Variants in KDM3A observed in about 807,000 individuals in gnomAD.
The protein encoded by KDM3A is lysine-specific demethylase 3A.
KDM3A carries 60 observed loss-of-function variants against 158.0 expected under a neutral mutation model. That is an observed-to-expected ratio of 0.38 (90% CI 0.31 to 0.47). The LOEUF (loss-of-function observed/expected upper bound fraction) is 0.47, where lower values mean the gene tolerates loss of function less well. Among genes scored for constraint, KDM3A ranks in the 20% least tolerant of loss-of-function variants. The pLI is 0.99. For missense variants in KDM3A, 1,319 were observed against 1,574.3 expected (o/e 0.84, Z 2.74); for synonymous variants, 608 against 549.3 (o/e 1.11, Z -1.49).
chr2:86,491,345 TAA>T, intron 25 of KDM3A, 70 bp downstream of exon 25: 2 of 1,508,504 alleles, frequency 1.3e-6, no homozygotes, highest in African/African-American at 1.4e-5. Context: ...CTTCACCTTA[TAA>T]AGAGAGTCAG....
intron 9 of KDM3A, among the ~76,000 whole-genome samples, chr2:86,465,134 A>T (rs1673080006): frequency 6.6e-6 from 1 of 152,230 alleles, no homozygotes; most frequent in African/African-American, 2.4e-5. Context: ...GTATAATAGA[A>T]AAAAAGGACT....
intron 25 of KDM3A, chr2:86,491,679 A>G (rs1375617260): frequency 3.3e-6 from 1 of 304,036 alleles, no homozygotes; most frequent in Non-Finnish European, 6.2e-6. Context: ...AGGGGGTGGT[A>G]TTTTCAAAAG....
intron 17 of KDM3A, 74 bp downstream of exon 17, chr2:86,482,176 CTG>C: frequency 6.7e-7 from 1 of 1,492,864 alleles, no homozygotes; most frequent in Admixed American, 1.8e-5. Context: ...GAAGTTGGAA[CTG>C]AAAGTAGAAA....
chr2:86,456,056 G>A (rs1672683339), intron 5 of KDM3A, among the ~76,000 whole-genome samples: 2 of 152,006 alleles, frequency 1.3e-5, no homozygotes, highest in African/African-American at 2.4e-5. Flanking sequence ...ATATAAAATG[G>A]ATAAGGCATT....
At chr2:86,455,678 C>T (rs1272649316) in intron 5 of KDM3A, among the ~76,000 whole-genome samples, 1 of 152,044 alleles carries the variant, frequency 6.6e-6, no homozygotes, top group Admixed American at 6.5e-5. Context: ...GGCACAGTGG[C>T]TCAAGCCTGT....
intron 4 of KDM3A, among the ~76,000 whole-genome samples, chr2:86,451,642 T>C (rs550765224): frequency 6.6e-6 from 1 of 152,304 alleles, no homozygotes; most frequent in East Asian, 1.9e-4. Flanking sequence ...TAATGGGGCC[T>C]GCACAGTCCA....
upstream of KDM3A, among the ~76,000 whole-genome samples, chr2:86,437,673 T>A (rs547329840): frequency 1.3e-5 from 2 of 152,334 alleles, no homozygotes; most frequent in East Asian, 1.9e-4. Context: ...GAATTTTTCA[T>A]CTTCTTTATA....
chr2:86,438,901 A>C (rs1441992177), upstream of KDM3A, among the ~76,000 whole-genome samples: 1 of 151,850 alleles, frequency 6.6e-6, no homozygotes, highest in African/African-American at 2.4e-5. Context: ...AGCTGCTTTG[A>C]CTCCTTTACA....
chr2:86,482,610 T>C lies in KDM3A; in HGVS notation c.2838T>C (p.Leu946=). 2.5e-6 allele frequency: 4 copies of C among 1,614,074 alleles called. No homozygotes were observed. Among genetic ancestry groups the C allele is most frequent in the Non-Finnish European group, 2.5e-6 (3 of 1,179,984 alleles). ...ILGFDTPHYW[L]CDNRLLCLQD... is the part of the protein sequence containing the mutation. ...GCTTTGACACTCCTCACTATTGGCTTTGTGATAATCGCTTGCTGTGCTTGC... is the reference window on the plus strand; with the variant it reads ...GCTTTGACACTCCTCACTATTGGCTCTGTGATAATCGCTTGCTGTGCTTGC... The change falls in exon 18 of 26, where the codon CTT becomes CTC. Residue 946 remains leucine, a synonymous_variant. Coordinates refer to ENST00000312912, the MANE Select transcript of KDM3A (RefSeq NM_018433.6).
Position 86,451,907 on chromosome 2 carries a change from A to C in KDM3A, c.453+694A>C, listed in dbSNP as rs534908979. On this transcript the variant is annotated intron_variant, in intron 4 of 25. Transcript: ENST00000312912. Reference sequence around the variant, plus strand: ...CCGTTGTTTATATACATATATGTGCATGCATACATAGACACTCATGCATAC... The same window carrying C: ...CCGTTGTTTATATACATATATGTGCCTGCATACATAGACACTCATGCATAC... Among the ~76,000 whole-genome samples, 12 of 152,362 alleles carry C rather than the reference A, an allele frequency of 7.9e-5. No homozygotes were observed. The South Asian group carries it at 1.9e-3, about 24-fold the overall frequency.
chr2:86,449,908 A>G lies in KDM3A; in HGVS notation c.288A>G (p.Leu96=). 6.2e-7 allele frequency: 1 copy of G among 1,613,936 alleles called. No homozygotes were observed. Among genetic ancestry groups the G allele is most frequent in the South Asian group, 1.1e-5 (1 of 91,072 alleles). Residue 96 remains leucine, a synonymous_variant, in exon 3 of 26, where the codon TTA becomes TTG. Transcript: ENST00000312912. ...TTTTAGTAGAACATAATTTGGTTTT[A>G]GCTGAACGAAAGTCACCTGAAATTT... The part of the protein sequence containing the change: ...RAFLVEHNLV[L]AERKSPEISE...
chr2:86,476,607 C>T (rs542031440), intron 12 of KDM3A, among the ~76,000 whole-genome samples: 53 of 152,310 alleles, frequency 3.5e-4, no homozygotes, highest in African/African-American at 1.2e-3. Context: ...TACTTTTATT[C>T]TGTCCTTTCA....
chr2:86,490,800 C>A, intron 23 of KDM3A, 81 bp from the exon 24 acceptor site: 1 of 1,037,354 alleles, frequency 9.6e-7, no homozygotes, highest in Non-Finnish European at 1.4e-6. Flanking sequence ...TTATGAACTG[C>A]CAACACTGTT....
chr2:86,469,237 T>C (rs1389121813), intron 10 of KDM3A, among the ~76,000 whole-genome samples: 2 of 152,282 alleles, frequency 1.3e-5, no homozygotes, highest in South Asian at 2.1e-4. Flanking sequence ...TTTAAAACCT[T>C]CTTTGGTTTG....
At chr2:86,482,329 C>T (rs971385638) in intron 17 of KDM3A, 129 bp from the exon 18 acceptor site, 127 of 1,443,482 alleles carry the variant, frequency 8.8e-5, no homozygotes, top group Middle Eastern at 2.6e-4. Flanking sequence ...GGACAGGGGA[C>T]GTACCTTTTT....
chr2:86,476,653 C>T (rs1673672130), intron 12 of KDM3A, among the ~76,000 whole-genome samples: 1 of 152,190 alleles, frequency 6.6e-6, no homozygotes, highest in African/African-American at 2.4e-5. Flanking sequence ...GCTAAGAGAT[C>T]TAAGAGTACT....
At chr2:86,465,366 G>C (rs915101741) in intron 9 of KDM3A, among the ~76,000 whole-genome samples, 4 of 152,102 alleles carry the variant, frequency 2.6e-5, no homozygotes, top group African/African-American at 9.7e-5. Flanking sequence ...AAAGGGTTTT[G>C]TGCTGCTGCC....
chr2:86,464,480 G>A (rs984323166), intron 9 of KDM3A, among the ~76,000 whole-genome samples: 7 of 152,152 alleles, frequency 4.6e-5, no homozygotes, highest in Admixed American at 4.6e-4. Flanking sequence ...TTGTAAAACA[G>A]GTGTCTTCTT....
intron 2 of KDM3A, among the ~76,000 whole-genome samples, chr2:86,446,073 A>G (rs1188332521): frequency 6.6e-6 from 1 of 152,230 alleles, no homozygotes; most frequent in Admixed American, 6.5e-5. Context: ...TTTTGATATT[A>G]GTTTATTAGA....
Sources: gnomAD v4.1 joint callset for allele counts (sites outside exome capture counted in the v4.1 genomes callset) on GRCh38, gnomAD v4.1.1 for gene constraint, MANE v1.5 for transcripts, NCBI Gene and HGNC (gene_info 2026-07-23, HGNC 2026-07-21) for gene names.